Variants in SLC2A13 observed in about 807,000 individuals in gnomAD.
SLC2A13 encodes the protein solute carrier family 2 member 13, also known as proton myo-inositol cotransporter.
In SLC2A13, 32 loss-of-function variants were observed where a neutral mutation model predicts 64.4. That is an observed-to-expected ratio of 0.50 (90% CI 0.37 to 0.67). The LOEUF (loss-of-function observed/expected upper bound fraction) is 0.67, where lower values mean the gene tolerates loss of function less well. SLC2A13 is among the 30% of genes least tolerant of loss of function. The probability of loss-of-function intolerance (pLI) is 0.00; values close to 1 mark genes in which losing one functional copy is unlikely to be tolerated. For synonymous variants in SLC2A13, 338 were observed against 327.1 expected (o/e 1.03, Z -0.36); for missense variants, 743 against 829.2 (o/e 0.90, Z 1.28).
chr12:39,972,532 C>T (rs1946681896), intron 3 of SLC2A13, among the ~76,000 whole-genome samples: 1 of 152,158 alleles, frequency 6.6e-6, no homozygotes, highest in Non-Finnish European at 1.5e-5. Flanking sequence ...AGATCAACCT[C>T]TCTATGTTGG....
At chr12:40,017,207 C>T (rs1055351201) in intron 3 of SLC2A13, among the ~76,000 whole-genome samples, 1 of 152,202 alleles carries the variant, frequency 6.6e-6, no homozygotes. Flanking sequence ...GCCTTGCTAA[C>T]GTCAGGCAAT....
intron 1 of SLC2A13, among the ~76,000 whole-genome samples, chr12:40,056,202 C>T (rs1948331052): frequency 1.3e-5 from 2 of 151,330 alleles, no homozygotes; most frequent in African/African-American, 4.9e-5. Flanking sequence ...AATGGGAAGC[C>T]TGTAACTTTC....
chr12:39,900,129 C>A (rs1325158245), intron 4 of SLC2A13, among the ~76,000 whole-genome samples: 2 of 147,330 alleles, frequency 1.4e-5, no homozygotes, highest in South Asian at 2.3e-4. Context: ...GGCCTTTGAC[C>A]AAATTCAACA....
intron 7 of SLC2A13, among the ~76,000 whole-genome samples, chr12:39,765,280 A>G (rs1940305943): frequency 6.6e-6 from 1 of 152,082 alleles, no homozygotes; most frequent in African/African-American, 2.4e-5. Flanking sequence ...TTTAAGGATT[A>G]GAAGAGTAAC....
chr12:39,982,751 C>G (rs1329600453), intron 3 of SLC2A13, among the ~76,000 whole-genome samples: 1 of 148,912 alleles, frequency 6.7e-6, no homozygotes, highest in African/African-American at 2.5e-5. Context: ...GGCCATACTG[C>G]CCAAGGTAAT....
intron 4 of SLC2A13, among the ~76,000 whole-genome samples, chr12:39,922,120 T>C (rs1945624682): frequency 6.6e-6 from 1 of 152,078 alleles, no homozygotes; most frequent in African/African-American, 2.4e-5. Context: ...TACAAACACT[T>C]AAAAAAACCC....
At chr12:40,056,673 T>C (rs1948337872) in intron 1 of SLC2A13, among the ~76,000 whole-genome samples, 1 of 152,194 alleles carries the variant, frequency 6.6e-6, no homozygotes, top group African/African-American at 2.4e-5. Context: ...ATACAGATGA[T>C]AATTGCATAG....
chr12:39,823,164 AG>A (rs1341234888), intron 7 of SLC2A13, among the ~76,000 whole-genome samples: 1 of 152,234 alleles, frequency 6.6e-6, no homozygotes, highest in Non-Finnish European at 1.5e-5. Flanking sequence ...CTATTTAAGC[AG>A]TAACATAAAA....
At chr12:39,855,748 A>G (rs1943591762) in intron 6 of SLC2A13, among the ~76,000 whole-genome samples, 2 of 152,230 alleles carry the variant, frequency 1.3e-5, no homozygotes, top group Admixed American at 1.3e-4. Flanking sequence ...ACTTTCAGCT[A>G]CTAAAACCAG....
At chr12:40,000,432 C>A (rs2136181187) in intron 3 of SLC2A13, among the ~76,000 whole-genome samples, 1 of 152,298 alleles carries the variant, frequency 6.6e-6, no homozygotes, top group Non-Finnish European at 1.5e-5. Flanking sequence ...TTTTAAGGTG[C>A]TTTTCACAGT....
chr12:40,064,100 C>G (rs1948470153), intron 1 of SLC2A13, among the ~76,000 whole-genome samples: 1 of 151,968 alleles, frequency 6.6e-6, no homozygotes, highest in African/African-American at 2.4e-5. Flanking sequence ...TTAAAATTAG[C>G]CAAGCACAGT....
At chr12:39,950,305 A>G (rs1395615492) in intron 4 of SLC2A13, 5 of 152,324 alleles carry the variant, frequency 3.3e-5, no homozygotes, top group East Asian at 3.9e-4. Flanking sequence ...TTAATTTTAC[A>G]TAATTTGTAT....
At chr12:39,799,913 T>A (rs1374242797) in intron 7 of SLC2A13, among the ~76,000 whole-genome samples, 2 of 152,224 alleles carry the variant, frequency 1.3e-5, no homozygotes, top group African/African-American at 4.8e-5. Context: ...GAATAATGTG[T>A]CACCTGTCAG....
intron 6 of SLC2A13, among the ~76,000 whole-genome samples, chr12:39,849,256 G>C (rs1364938595): frequency 1.3e-5 from 2 of 152,028 alleles, no homozygotes; most frequent in African/African-American, 4.8e-5. Flanking sequence ...ATTGCAAATT[G>C]GTAATGCTGA....
chr12:39,830,251 G>A (rs1942814454), intron 6 of SLC2A13, 23 bp from the exon 7 acceptor site: 4 of 1,606,920 alleles, frequency 2.5e-6, no homozygotes, highest in African/African-American at 1.3e-5. Flanking sequence ...AAGAGTTACC[G>A]TCATGTTGGC....
chr12:40,090,380 G>A (rs987094359), intron 1 of SLC2A13, among the ~76,000 whole-genome samples: 12 of 151,846 alleles, frequency 7.9e-5, no homozygotes, highest in South Asian at 6.2e-4. Context: ...TTATCTCTGC[G>A]TATCTTATCT....
intron 7 of SLC2A13, among the ~76,000 whole-genome samples, chr12:39,784,181 A>G (rs1941101178): frequency 6.6e-6 from 1 of 152,182 alleles, no homozygotes. Context: ...TGCCATCCCC[A>G]TCAAGCTACC....
At chr12:40,079,339 CTT>C (rs1302373462) in intron 1 of SLC2A13, among the ~76,000 whole-genome samples, 1 of 152,162 alleles carries the variant, frequency 6.6e-6, no homozygotes, top group Non-Finnish European at 1.5e-5. Context: ...TTTCAAATAA[CTT>C]ATTGATTTGT....
chr12:39,925,700 C>T (rs1004544410), intron 4 of SLC2A13, among the ~76,000 whole-genome samples: 4 of 152,144 alleles, frequency 2.6e-5, no homozygotes, highest in African/African-American at 9.7e-5. Context: ...AGAGCCACTA[C>T]TAGTAATGCT....
Sources: allele counts gnomAD v4.1 joint callset (sites outside exome capture counted in the v4.1 genomes callset), GRCh38; gene constraint gnomAD v4.1.1; transcripts MANE v1.5; gene names NCBI Gene and HGNC (gene_info 2026-07-23, HGNC 2026-07-21).